Variants in MYO3B observed in about 807,000 individuals in gnomAD.
MYO3B encodes myosin-IIIb.
Under a neutral mutation model 174.6 loss-of-function variants are expected in MYO3B, and 156 were observed. The observed-to-expected ratio is 0.89, with a 90% CI of 0.78 to 1.02. MYO3B has a LOEUF of 1.02. Ranked by LOEUF, MYO3B falls within the 50% of genes least tolerant of loss-of-function variation. MYO3B has a pLI of 0.00. For synonymous variants in MYO3B, 563 were observed against 569.1 expected (o/e 0.99, Z 0.15); for missense variants, 1,632 against 1,639.4 (o/e 1.00, Z 0.08).
chr2:170,528,400 G>A (rs899766746), intron 30 of MYO3B, among the ~76,000 whole-genome samples: 2 of 152,108 alleles, frequency 1.3e-5, no homozygotes, highest in Non-Finnish European at 2.9e-5. Flanking sequence ...CACACTTCAA[G>A]GCAAAATTTT....
intron 32 of MYO3B, among the ~76,000 whole-genome samples, chr2:170,567,896 C>T (rs748281715): frequency 6.6e-6 from 1 of 152,162 alleles, no homozygotes; most frequent in Non-Finnish European, 1.5e-5. Context: ...TTCCATCTAA[C>T]AACTTTTTAA....
At chr2:170,478,889 TACACAC>T (rs143792197) in intron 25 of MYO3B, among the ~76,000 whole-genome samples, 20,027 of 137,180 alleles carry the variant, frequency 0.15, 1,525 homozygotes, top group South Asian at 0.23. Context: ...AGGTTTTACA[TACACAC>T]ACACACACAC....
intron 24 of MYO3B, among the ~76,000 whole-genome samples, chr2:170,465,860 G>A (rs1575024215): frequency 6.6e-6 from 1 of 152,188 alleles, no homozygotes; most frequent in East Asian, 1.9e-4. Flanking sequence ...GCCCAGAAGA[G>A]CTCCAGCAGT....
intron 14 of MYO3B, among the ~76,000 whole-genome samples, chr2:170,390,602 C>T (rs139469727): frequency 0.01 from 1,539 of 152,066 alleles, 14 homozygotes; most frequent in Non-Finnish European, 0.016. Context: ...GCCACAAAGG[C>T]GGATAAGGGG....
At chr2:170,463,294 C>T (rs556931888) in intron 23 of MYO3B, 74 bp from the exon 24 acceptor site, 260 of 1,360,228 alleles carry the variant, frequency 1.9e-4, no homozygotes, top group Middle Eastern at 7.6e-4. Context: ...AACAGGCTTT[C>T]GGATTTTGGA....
At chr2:170,368,471 G>A (rs2094214728) in intron 8 of MYO3B, among the ~76,000 whole-genome samples, 1 of 152,228 alleles carries the variant, frequency 6.6e-6, no homozygotes, top group Non-Finnish European at 1.5e-5. Context: ...AGAAGGTGCA[G>A]CAAAATGTAC....
In MYO3B at chr2:170,371,216, TAAAAAAAAAAAA is replaced by T. The variant is rs56689548; in HGVS notation, c.971+1852_971+1863del. The stretch of plus-strand genomic sequence containing the variant: ...CTGGGCGACAGAGCAAGACAGTGTC[TAAAAAAAAAAAA>T]AAAAAAAAAAAACCAAAACCTTTCT... On this transcript the variant is annotated intron_variant, in intron 9 of 34. Transcript: ENST00000408978. 1.4e-3 allele frequency among the ~76,000 whole-genome samples: 125 copies of T among 89,724 alleles called. 4 individuals are homozygous for T. The East Asian group carries it at 0.043, about 31-fold the overall frequency. 58.9% of individuals were successfully genotyped at this position (89,724 alleles called of 152,430 possible).
At chr2:170,228,818 G>T (rs1387297027) in intron 6 of MYO3B, among the ~76,000 whole-genome samples, 3 of 152,086 alleles carry the variant, frequency 2.0e-5, no homozygotes, top group Admixed American at 6.6e-5. Context: ...AAGTTCATAA[G>T]AACAGTCTAA....
At chr2:170,647,970 C>T (rs919828929) in intron 32 of MYO3B, 1 of 152,150 alleles carries the variant, frequency 6.6e-6, no homozygotes, top group Non-Finnish European at 1.5e-5. Context: ...GGACGGAATT[C>T]CTGCCGTATT....
At chr2:170,243,541 G>A (rs2093159284) in intron 7 of MYO3B, among the ~76,000 whole-genome samples, 1 of 152,208 alleles carries the variant, frequency 6.6e-6, no homozygotes. Context: ...GCATGTCTGT[G>A]TGTGTCAGTG....
chr2:170,510,390 A>G (rs1452497507), intron 28 of MYO3B, among the ~76,000 whole-genome samples: 1 of 152,200 alleles, frequency 6.6e-6, no homozygotes, highest in South Asian at 2.1e-4. Context: ...CATAATCAAG[A>G]AAAAGAACAA....
At chr2:170,545,664 T>G (rs1690433966) in intron 32 of MYO3B, among the ~76,000 whole-genome samples, 1 of 152,168 alleles carries the variant, frequency 6.6e-6, no homozygotes, top group African/African-American at 2.4e-5. Flanking sequence ...AAAGTCAAAT[T>G]TATTAATAAG....
At chr2:170,571,812 T>A (rs1692455918) in intron 32 of MYO3B, among the ~76,000 whole-genome samples, 2 of 152,168 alleles carry the variant, frequency 1.3e-5, no homozygotes, top group Admixed American at 1.3e-4. Context: ...GAATCTGGAA[T>A]GTTTCTGACT....
rs1559294202 is a variant in MYO3B at position 170,200,259 on chromosome 2, G to C, written c.296G>C (p.Gly99Ala). 16 of 1,612,566 alleles carry C rather than the reference G, an allele frequency of 9.9e-6. No homozygotes were observed. The highest frequency in any genetic ancestry group is 1.4e-5 in the Non-Finnish European group (16 of 1,179,314). ...TTTTACAAAGCGGATCACTGTGTAGGGGGACAGCTGTGGCTGGTCCTGGAG... is the reference window on the plus strand; with the variant it reads ...TTTTACAAAGCGGATCACTGTGTAGCGGGACAGCTGTGGCTGGTCCTGGAG... Reference protein sequence around the residue: ...GMFYKADHCVGGQLWLVLELC... With the variant: ...GMFYKADHCVAGQLWLVLELC... Residue 99 changes from glycine to alanine, a missense_variant, in exon 3 of 35, where the codon GGG (glycine) becomes GCG (alanine). By Grantham distance (60) the Gly-to-Ala change is moderately conservative. Transcript: ENST00000408978.
At chr2:170,308,744 C>A (rs886873746) in intron 7 of MYO3B, among the ~76,000 whole-genome samples, 5 of 152,106 alleles carry the variant, frequency 3.3e-5, no homozygotes, top group Non-Finnish European at 7.4e-5. Context: ...TCCTACACAC[C>A]TTTCCCTGTT....
chr2:170,629,247 C>A (rs1696730720), intron 32 of MYO3B, among the ~76,000 whole-genome samples: 1 of 152,188 alleles, frequency 6.6e-6, no homozygotes, highest in Non-Finnish European at 1.5e-5. Flanking sequence ...TGGACTTCTG[C>A]TGGACTGCCA....
intron 7 of MYO3B, among the ~76,000 whole-genome samples, chr2:170,269,474 T>C (rs536109825): frequency 6.6e-6 from 1 of 152,240 alleles, no homozygotes; most frequent in South Asian, 2.1e-4. Context: ...ATAATAAGTG[T>C]TGGTAAGAAT....
intron 25 of MYO3B, among the ~76,000 whole-genome samples, chr2:170,497,041 C>T (rs1575074023): frequency 6.6e-6 from 1 of 152,260 alleles, no homozygotes; most frequent in African/African-American, 2.4e-5. Flanking sequence ...CCAAATATGG[C>T]ACTGTAGCAT....
intron 7 of MYO3B, among the ~76,000 whole-genome samples, chr2:170,294,523 G>C (rs1188969727): frequency 1.3e-5 from 2 of 151,794 alleles, no homozygotes; most frequent in Non-Finnish European, 2.9e-5. Flanking sequence ...TGATTTGTGT[G>C]AATTCAATTT....
Sources: gnomAD v4.1 joint callset for allele counts (sites outside exome capture counted in the v4.1 genomes callset) on GRCh38, gnomAD v4.1.1 for gene constraint, MANE v1.5 for transcripts, NCBI Gene and HGNC (gene_info 2026-07-23, HGNC 2026-07-21) for gene names.